CLDN10: variants seen among roughly 807,000 people sequenced by gnomAD.
The protein encoded by CLDN10 is claudin-10.
In CLDN10, 15 loss-of-function variants were observed where a neutral mutation model predicts 22.9. That is an observed-to-expected ratio of 0.65 (90% CI 0.44 to 1.01). The LOEUF (loss-of-function observed/expected upper bound fraction) is 1.01. Ranked by LOEUF, CLDN10 falls within the 50% of genes least tolerant of loss-of-function variation. The pLI is 0.00. For synonymous variants in CLDN10, 114 were observed against 111.4 expected (o/e 1.02, Z -0.15); for missense variants, 247 against 287.8 (o/e 0.86, Z 1.03).
intron 1 of CLDN10, among the ~76,000 whole-genome samples, chr13:95,529,769 C>T (rs573281646): frequency 6.6e-6 from 1 of 152,200 alleles, no homozygotes; most frequent in East Asian, 1.9e-4. Flanking sequence ...AGTTAATATT[C>T]CAGTTTCGCT....
At chr13:95,513,588 G>T (rs2043129045) in intron 1 of CLDN10, among the ~76,000 whole-genome samples, 1 of 140,888 alleles carries the variant, frequency 7.1e-6, no homozygotes, top group Admixed American at 6.8e-5. Flanking sequence ...ATTTTCCCCT[G>T]AAATAAAAAA....
chr13:95,434,516 TGTGTGTATATATATATGCACAC>T (rs1462853880), intron 1 of CLDN10, among the ~76,000 whole-genome samples: 36 of 123,072 alleles, frequency 2.9e-4, no homozygotes, highest in Admixed American at 4.0e-4. Context: ...TCTATATGTG[TGTGTGTATATATATATGCACAC>T]GTGTGTATAT....
intron 1 of CLDN10, among the ~76,000 whole-genome samples, chr13:95,471,840 G>T (rs963885233): frequency 2.6e-4 from 39 of 151,628 alleles, no homozygotes; most frequent in Admixed American, 2.6e-3. Flanking sequence ...TGCAGCCTCA[G>T]CCTCTGGGGC....
chr13:95,443,508 C>G (rs575277223), intron 1 of CLDN10, among the ~76,000 whole-genome samples: 5 of 151,978 alleles, frequency 3.3e-5, no homozygotes, highest in Non-Finnish European at 7.4e-5. Context: ...GCATGGCACG[C>G]GAGACCACGC....
intron 1 of CLDN10, among the ~76,000 whole-genome samples, chr13:95,510,187 T>G (rs771497721): frequency 1.3e-5 from 2 of 152,244 alleles, no homozygotes; most frequent in Non-Finnish European, 2.9e-5. Context: ...CACCCTGGAA[T>G]GATAGCGAGA....
At chr13:95,459,645 A>C (rs1259191242) in intron 1 of CLDN10, among the ~76,000 whole-genome samples, 1 of 152,126 alleles carries the variant, frequency 6.6e-6, no homozygotes, top group African/African-American at 2.4e-5. Context: ...TGGCCCATGA[A>C]ACCAGTTTTT....
chr13:95,536,159 A>G (rs2043397934), intron 1 of CLDN10, among the ~76,000 whole-genome samples: 1 of 142,044 alleles, frequency 7.0e-6, no homozygotes, highest in Admixed American at 7.6e-5. Flanking sequence ...ATCTTTAAAT[A>G]CATTTGTGTA....
intron 1 of CLDN10, among the ~76,000 whole-genome samples, chr13:95,506,873 G>T (rs1233337968): frequency 6.6e-6 from 1 of 152,132 alleles, no homozygotes; most frequent in African/African-American, 2.4e-5. Context: ...TCACACCGAT[G>T]CATGGGGGAG....
intron 1 of CLDN10, among the ~76,000 whole-genome samples, chr13:95,454,806 A>G (rs2042466570): frequency 6.6e-6 from 1 of 152,184 alleles, no homozygotes; most frequent in Non-Finnish European, 1.5e-5. Context: ...TGGTTTTTAA[A>G]TGCAAATGAA....
intron 1 of CLDN10, among the ~76,000 whole-genome samples, chr13:95,474,831 A>C (rs1170915227): frequency 6.6e-6 from 1 of 151,980 alleles, no homozygotes; most frequent in Non-Finnish European, 1.5e-5. Context: ...AGGGTGGAGG[A>C]AGATGGGGGT....
chr13:95,573,290 C>T (rs2043884810), intron 3 of CLDN10, among the ~76,000 whole-genome samples: 1 of 152,188 alleles, frequency 6.6e-6, no homozygotes, highest in South Asian at 2.1e-4. Flanking sequence ...CCTCTAAAAA[C>T]AATGTTTTCC....
chr13:95,534,466 T>C (rs917275099), intron 1 of CLDN10, among the ~76,000 whole-genome samples: 2 of 152,316 alleles, frequency 1.3e-5, no homozygotes, highest in African/African-American at 4.8e-5. Context: ...GTCAAATGTA[T>C]GAATATCTTT....
At chr13:95,561,764 CTT>C (rs201890987) in intron 3 of CLDN10, among the ~76,000 whole-genome samples, 22 of 135,258 alleles carry the variant, frequency 1.6e-4, no homozygotes, top group Admixed American at 3.0e-4. Context: ...TTCTTTCGTC[CTT>C]TTTTTTTTTT....
intron 1 of CLDN10, among the ~76,000 whole-genome samples, chr13:95,545,464 A>C (rs1361325163): frequency 6.6e-6 from 1 of 152,002 alleles, no homozygotes; most frequent in Non-Finnish European, 1.5e-5. Context: ...TTGAACCCGG[A>C]AGGTGGAGGT....
intron 1 of CLDN10, among the ~76,000 whole-genome samples, chr13:95,451,784 C>A (rs992328090): frequency 6.6e-6 from 1 of 152,166 alleles, no homozygotes; most frequent in African/African-American, 2.4e-5. Context: ...TACTGCAGAA[C>A]CATTTGTTGA....
At chr13:95,506,793 G>C (rs1485814514) in intron 1 of CLDN10, among the ~76,000 whole-genome samples, 1 of 152,198 alleles carries the variant, frequency 6.6e-6, no homozygotes, top group Admixed American at 6.5e-5. Flanking sequence ...AAAGGAAGGG[G>C]AGGGAAGAGG....
intron 1 of CLDN10, among the ~76,000 whole-genome samples, chr13:95,491,575 C>A (rs1048346522): frequency 6.6e-6 from 1 of 152,030 alleles, no homozygotes; most frequent in South Asian, 2.1e-4. Flanking sequence ...CTTCTTGTAT[C>A]ATTTTCTGGA....
chr13:95,533,249 G>A (rs1172978754), intron 1 of CLDN10, among the ~76,000 whole-genome samples: 1 of 151,142 alleles, frequency 6.6e-6, no homozygotes, highest in Non-Finnish European at 1.5e-5. Flanking sequence ...GGGAGGGAGA[G>A]GGGGAAGAAG....
At position 95,471,082 on chromosome 13, in the gene CLDN10, C is replaced by A. The variant is rs1386763068; in HGVS notation, c.214+37035C>A. Among the ~76,000 whole-genome samples the A allele has an allele frequency of 2.0e-5, 3 of 152,030 alleles. No homozygotes were observed. In the East Asian group the frequency reaches 5.8e-4, roughly 29 times the overall value. ...GCACGGAAAAGGGTAAAGTCCTAGC[C>A]TCACAGAGGATTAGAAGCCACTCTG... On this transcript the variant is annotated intron_variant, in intron 1 of 4. Transcript: ENST00000376873.
Sources: gnomAD v4.1 joint callset for allele counts (sites outside exome capture counted in the v4.1 genomes callset) on GRCh38, gnomAD v4.1.1 for gene constraint, MANE v1.5 for transcripts, NCBI Gene and HGNC (gene_info 2026-07-23, HGNC 2026-07-21) for gene names.